GRIK3: variants seen among roughly 807,000 people sequenced by gnomAD.
GRIK3 encodes the protein glutamate ionotropic receptor kainate type subunit 3.
A neutral mutation model predicts 102.5 loss-of-function variants in GRIK3; 29 were observed. That is an observed-to-expected ratio of 0.28 (90% CI 0.21 to 0.39). The LOEUF is 0.39. GRIK3 is among the 10% of genes least tolerant of loss of function. GRIK3 has a pLI of 1.00. For missense variants in GRIK3, 908 were observed against 1,252.4 expected (o/e 0.73, Z 4.15); for synonymous variants, 511 against 504.9 (o/e 1.01, Z -0.16).
chr1:36,826,826 G>A (rs570323857), intron 10 of GRIK3, among the ~76,000 whole-genome samples: 47 of 152,142 alleles, frequency 3.1e-4, no homozygotes, highest in Middle Eastern at 3.4e-3. Context: ...TTTAATAAGC[G>A]GAAGAATTAA....
At chr1:36,902,560 C>T (rs765691992) in intron 1 of GRIK3, among the ~76,000 whole-genome samples, 12 of 152,124 alleles carry the variant, frequency 7.9e-5, no homozygotes, top group Non-Finnish European at 1.5e-4. Flanking sequence ...GACCTTACAC[C>T]CTTCACAAAA....
At chr1:36,839,257 G>A (rs1004803041) in intron 10 of GRIK3, among the ~76,000 whole-genome samples, 11 of 152,116 alleles carry the variant, frequency 7.2e-5, no homozygotes, top group Admixed American at 3.9e-4. Flanking sequence ...ACTCATAAAC[G>A]CAGGGGAATG....
Position 36,819,727 on chromosome 1 carries a change from G to A in GRIK3, c.1873+9C>T. 2 of 1,374,546 alleles carry A rather than the reference G, an allele frequency of 1.5e-6. No homozygotes were observed. The highest frequency in any genetic ancestry group is 2.1e-6 in the Non-Finnish European group (2 of 961,264). 85.1% of individuals were successfully genotyped at this position (1,374,546 alleles called of 1,614,324 possible). A position where few individuals can be genotyped will look rare whatever the true frequency, so the allele number is the denominator to read the frequency against. ...CCTGGAAGGGGAGGCCCTGGGAGAG[G>A]GTGCATACCTTGCTGCATCAGGGAT... On this transcript the variant is annotated intron_variant, in intron 12 of 15. Coordinates refer to ENST00000373091, the MANE Select transcript of GRIK3 (RefSeq NM_000831.4). The surrounding 1 kb of genome is among the most constrained non-coding windows in gnomAD (Gnocchi z 4.1).
At chr1:36,907,329 C>T (rs2124291029) in intron 1 of GRIK3, among the ~76,000 whole-genome samples, 1 of 152,252 alleles carries the variant, frequency 6.6e-6, no homozygotes, top group South Asian at 2.1e-4. Flanking sequence ...AAGTGGACCC[C>T]AAAGGACAGA....
rs1557702304 is a variant in GRIK3 at position 36,850,952 on chromosome 1, ATC to A, written c.1213-530_1213-529del. Among the ~76,000 whole-genome samples, 1 of 152,180 alleles carries A rather than the reference ATC, an allele frequency of 6.6e-6. No individual in the cohort carries two copies. On this transcript the variant is annotated intron_variant, in intron 8 of 15. Transcript: ENST00000373091. This position sits in a 1 kb window ranked among gnomAD's most constrained non-coding sequence, Gnocchi z 4.0. Reference sequence around the variant, plus strand: ...CAGACACACAGACTAAGGTAGAATAATCTCTCTCTCTACAGCGTCCTTGTGGA... The same window carrying A: ...CAGACACACAGACTAAGGTAGAATAATCTCTCTCTACAGCGTCCTTGTGGA...
chr1:36,825,077 C>A (rs1233220448), intron 11 of GRIK3, among the ~76,000 whole-genome samples: 2 of 152,144 alleles, frequency 1.3e-5, no homozygotes, highest in African/African-American at 2.4e-5. Flanking sequence ...TGTGAACAAC[C>A]AAATGTGCAA....
At chr1:37,024,742 C>CAAAA (rs11314211) in intron 1 of GRIK3, among the ~76,000 whole-genome samples, 64 of 70,942 alleles carry the variant, frequency 9.0e-4, no homozygotes, top group East Asian at 2.6e-3. Flanking sequence ...GACTCCATCT[C>CAAAA]AAAAAAAAAA....
intron 7 of GRIK3, among the ~76,000 whole-genome samples, chr1:36,857,948 CCTGGAA>C: frequency 6.6e-6 from 1 of 152,230 alleles, no homozygotes; most frequent in Non-Finnish European, 1.5e-5. Context: ...TAGCTAGGAG[CCTGGAA>C]CCCAGCTGCC....
At chr1:36,973,585 A>G (rs1391016385) in intron 1 of GRIK3, among the ~76,000 whole-genome samples, 1 of 116,216 alleles carries the variant, frequency 8.6e-6, no homozygotes, top group Non-Finnish European at 1.6e-5. Flanking sequence ...ACGCCCGGCT[A>G]ATTTTTTTTT....
intron 1 of GRIK3, among the ~76,000 whole-genome samples, chr1:37,019,801 C>T (rs1642691960): frequency 6.6e-6 from 1 of 152,098 alleles, no homozygotes; most frequent in African/African-American, 2.4e-5. Context: ...TCTGCGAATC[C>T]CAGCAGGAGC....
At chr1:36,891,270 C>T (rs903824036) in intron 1 of GRIK3, among the ~76,000 whole-genome samples, 174 bp from the exon 2 acceptor site, 1 of 152,310 alleles carries the variant, frequency 6.6e-6, no homozygotes, top group African/African-American at 2.4e-5. Context: ...TAGGAAAATC[C>T]TCCTCATTCA....
In GRIK3 at chr1:37,033,859, A is replaced by C. The variant is rs1250533435; in HGVS notation, c.115+135T>G. 5.8e-6 allele frequency: 3 copies of C among 518,730 alleles called. No homozygotes were observed. The African/African-American group carries it at 6.1e-5, about 11-fold the overall frequency. The allele number at this position is 518,730 out of a possible 1,614,324, so 32.1% of individuals were successfully genotyped here. On this transcript the variant is annotated intron_variant, in intron 1 of 15. Transcript: ENST00000373091. ...CTGGAACTTTGTCCTCACAGGGAGGAGCTCCTGGTGGTCACCGATCGGCTC... is the reference window on the plus strand; with the variant it reads ...CTGGAACTTTGTCCTCACAGGGAGGCGCTCCTGGTGGTCACCGATCGGCTC...
At chr1:36,967,832 C>T (rs1302555621) in intron 1 of GRIK3, among the ~76,000 whole-genome samples, 14 of 152,174 alleles carry the variant, frequency 9.2e-5, no homozygotes. Flanking sequence ...AAAGCACATC[C>T]TGTTATGATA....
chr1:37,026,629 A>G (rs1261796135), intron 1 of GRIK3, among the ~76,000 whole-genome samples: 2 of 152,228 alleles, frequency 1.3e-5, no homozygotes, highest in African/African-American at 2.4e-5. Context: ...GTCAACCACA[A>G]GATTTTTGTA....
intron 1 of GRIK3, among the ~76,000 whole-genome samples, chr1:36,998,930 A>T (rs993019781): frequency 6.6e-6 from 1 of 152,002 alleles, no homozygotes; most frequent in Non-Finnish European, 1.5e-5. Flanking sequence ...TGCAGCTCCC[A>T]TAAGAGCCTC....
intron 1 of GRIK3, among the ~76,000 whole-genome samples, chr1:36,892,964 A>G (rs1315367103): frequency 1.3e-5 from 2 of 152,216 alleles, no homozygotes; most frequent in Non-Finnish European, 2.9e-5. Context: ...TGCTGTGACA[A>G]TTATTCAATT....
intron 1 of GRIK3, among the ~76,000 whole-genome samples, chr1:36,912,784 C>A (rs1641360501): frequency 6.6e-6 from 1 of 152,118 alleles, no homozygotes; most frequent in Admixed American, 6.5e-5. Context: ...CCCCCAGTGC[C>A]TGACACACTA....
intron 1 of GRIK3, among the ~76,000 whole-genome samples, chr1:36,900,203 T>C (rs1420800324): frequency 6.6e-6 from 1 of 152,192 alleles, no homozygotes; most frequent in Non-Finnish European, 1.5e-5. Context: ...ATGTCTACTC[T>C]TAGACCACCG....
intron 1 of GRIK3, among the ~76,000 whole-genome samples, chr1:36,968,969 G>A (rs557885794): frequency 1.3e-5 from 2 of 152,300 alleles, no homozygotes; most frequent in East Asian, 3.9e-4. Flanking sequence ...TAATTTGGGG[G>A]CCTTGTCAAA....
Sources: allele counts gnomAD v4.1 joint callset (sites outside exome capture counted in the v4.1 genomes callset), GRCh38; gene constraint gnomAD v4.1.1; non-coding constraint Gnocchi (gnomAD v3.1); transcripts MANE v1.5; gene names NCBI Gene and HGNC (gene_info 2026-07-23, HGNC 2026-07-21).